Variants in CUL9 observed in about 807,000 individuals in gnomAD.
CUL9 encodes the protein cullin-9.
A neutral mutation model predicts 272.6 loss-of-function variants in CUL9; 79 were observed. That is an observed-to-expected ratio of 0.29 (90% confidence interval 0.24 to 0.35). CUL9 has a LOEUF of 0.35. Among genes scored for constraint, CUL9 ranks in the 10% least tolerant of loss-of-function variants. CUL9 has a pLI of 1.00. For synonymous variants in CUL9, 1,186 were observed against 1,286.5 expected, an observed-to-expected ratio of 0.92 and a Z score of 1.67; for missense variants, 2,532 against 3,255.6, an observed-to-expected ratio of 0.78 and a Z score of 5.41.
At chr6:43,209,426 G>T (rs1481414283) in intron 26 of CUL9, among the ~76,000 whole-genome samples, 1 of 152,120 alleles carries the variant, frequency 6.6e-6, no homozygotes, top group Non-Finnish European at 1.5e-5. Context: ...TGGGATTACA[G>T]GCGTGAGCCA....
intron 11 of CUL9, chr6:43,198,341 T>C (rs750932393): frequency 3.1e-6 from 3 of 976,046 alleles, no homozygotes; most frequent in Non-Finnish European, 3.7e-6. Flanking sequence ...TTACTATAAC[T>C]AACATTTAAT....
Position 43,198,772 on chromosome 6 carries a change from G to A in CUL9, c.2967G>A (p.Gln989=), listed in dbSNP as rs1774244231. ...GAVRPLLKRL[Q]QETQPFLLLL... is the part of the protein sequence containing the mutation. ...TGAGGCCCCTCCTCAAGCGCCTCCA[G>A]CAGGAGACCCAGCCTTTCCTCCTGT... The change falls in exon 12 of 41, where the codon CAG becomes CAA. Residue 989 remains glutamine, a synonymous_variant. Coordinates refer to ENST00000252050, the MANE Select transcript of CUL9 (RefSeq NM_015089.4). 2 of 1,613,968 alleles carry A rather than the reference G, an allele frequency of 1.2e-6. No individual in the cohort carries two copies. The highest frequency in any genetic ancestry group is 1.3e-5 in the African/African-American group (1 of 74,940).
rs536628350 is a variant in CUL9, at chr6:43,184,212, C to T, written c.-9-90C>T. On this transcript the variant is annotated intron_variant, in intron 1 of 40. Coordinates refer to ENST00000252050, the MANE Select transcript of CUL9 (RefSeq NM_015089.4). The surrounding 1 kb of genome is among the most constrained non-coding windows in gnomAD (Gnocchi z 4.8). ...CTACCATGCAGCCTACCGATCACCA[C>T]CCACCTTCTCTGTGTCTCAAGATTC... 9.7e-7 allele frequency: 1 copy of T among 1,032,590 alleles called. No homozygotes were observed. The highest frequency in any genetic ancestry group is 1.6e-5 in the African/African-American group (1 of 61,638). 64.0% of individuals were successfully genotyped at this position (1,032,590 alleles called of 1,614,324 possible).
intron 4 of CUL9, 131 bp downstream of exon 4, chr6:43,186,586 G>A: frequency 7.4e-7 from 1 of 1,343,232 alleles, no homozygotes; most frequent in South Asian, 1.5e-5. Flanking sequence ...GATACAAGGG[G>A]GTTGGCATTT....
intron 21 of CUL9, 63 bp from the exon 22 acceptor site, chr6:43,204,685 A>G: frequency 2.5e-6 from 4 of 1,595,026 alleles, no homozygotes; most frequent in Non-Finnish European, 3.4e-6. Flanking sequence ...ATCACTACCC[A>G]AGACCGGTGT....
chr6:43,222,850 G>T lies in CUL9; in HGVS notation c.7104G>T (p.Gln2368His), dbSNP rs371313602. Reference protein sequence around the residue: ...DAEYMDVVEQQTENLELHTNA... With the variant: ...DAEYMDVVEQHTENLELHTNA... ...AGTACATGGATGTGGTGGAGCAGCA[G>T]ACAGAGAACCTGGAGCTGCACACCA... Residue 2368 changes from glutamine to histidine, a missense_variant, in exon 38 of 41, where the codon CAG becomes CAT. Coordinates refer to ENST00000252050, the MANE Select transcript of CUL9 (RefSeq NM_015089.4). 6 of 1,613,910 alleles carry T rather than the reference G, an allele frequency of 3.7e-6. No homozygotes were observed. In the African/African-American group the frequency reaches 8.0e-5, roughly 22 times the overall value.
chr6:43,201,688 T>A (rs550313070), intron 16 of CUL9, among the ~76,000 whole-genome samples: 1 of 152,056 alleles, frequency 6.6e-6, no homozygotes, highest in Non-Finnish European at 1.5e-5. Context: ...ACCGTGTTAG[T>A]CAGGATGGTC....
At chr6:43,214,326 A>G (rs1025219358) in intron 29 of CUL9, among the ~76,000 whole-genome samples, 1 of 152,150 alleles carries the variant, frequency 6.6e-6, no homozygotes, top group Admixed American at 6.5e-5. Flanking sequence ...AGGCCGAGGC[A>G]TGAGAATTGC....
chr6:43,194,970 G>A (rs566499694), intron 9 of CUL9, among the ~76,000 whole-genome samples: 9 of 152,188 alleles, frequency 5.9e-5, no homozygotes, highest in Admixed American at 3.3e-4. Flanking sequence ...CGGGAGAATC[G>A]CTTGAACCCA....
In CUL9 at chr6:43,206,627, G is replaced by A. The variant is rs755706933; in HGVS notation, c.5212+117G>A. ...GTGAAGAAAAATATCAGCTCCTAGCGAGGGATGAGAAAGCATGGGTTGTAG... is the reference window on the plus strand; with the variant it reads ...GTGAAGAAAAATATCAGCTCCTAGCAAGGGATGAGAAAGCATGGGTTGTAG... On this transcript the variant is annotated intron_variant, in intron 26 of 40. Transcript: ENST00000252050. The surrounding 1 kb of genome is among the most constrained non-coding windows in gnomAD (Gnocchi z 4.8). 2.3e-5 allele frequency: 19 copies of A among 843,676 alleles called. No individual in the cohort carries two copies. Among genetic ancestry groups the A allele is most frequent in the South Asian group, 3.7e-5 (2 of 54,472 alleles). The allele number at this position is 843,676 out of a possible 1,614,324, so 52.3% of individuals were successfully genotyped here. A position where few individuals can be genotyped will look rare whatever the true frequency, so the allele number is the denominator to read the frequency against.
chr6:43,194,509 C>T (rs555163708), intron 9 of CUL9, among the ~76,000 whole-genome samples: 17 of 151,298 alleles, frequency 1.1e-4, no homozygotes, highest in Admixed American at 4.6e-4. Flanking sequence ...TTAGTAGAGA[C>T]GGGGTTTCAC....
intron 16 of CUL9, among the ~76,000 whole-genome samples, chr6:43,201,415 A>G (rs9462876): frequency 0.27 from 40,380 of 152,148 alleles, 7,791 homozygotes; most frequent in African/African-American, 0.55. Context: ...GTAAGAAAGT[A>G]TATTTGGAGG....
In CUL9 at chr6:43,193,218, T is replaced by C. The variant is rs572738002; in HGVS notation, c.2388+10T>C. The C allele has an allele frequency of 1.9e-6, 3 of 1,612,820 alleles. No homozygotes were observed. The South Asian group carries it at 3.3e-5, about 18-fold the overall frequency. ...GCAGGCTGGGCTGGCGGTGAGTACA[T>C]TGGGCCTGGCGGGAGAGAACAATGG... is the stretch of plus-strand genomic sequence containing the variant. On this transcript the variant is annotated intron_variant, in intron 9 of 40. Transcript: ENST00000252050.
chr6:43,214,973 T>C, intron 29 of CUL9, 106 bp from the exon 30 acceptor site: 2 of 1,355,284 alleles, frequency 1.5e-6, no homozygotes, highest in South Asian at 2.9e-5. Context: ...CAAGACTGTC[T>C]CTTAAAAAAA....
rs1041950696 is a variant in CUL9, at chr6:43,206,842, AT to A, written c.5212+340del. On this transcript the variant is annotated intron_variant, in intron 26 of 40. Transcript: ENST00000252050. This position sits in a 1 kb window ranked among gnomAD's most constrained non-coding sequence, Gnocchi z 4.8. Reference sequence around the variant, plus strand: ...GTGGCATCCTATAAAGTTTTAAAAGATTTTTTTTCTTTATTTTTTTGACATG... The same window carrying A: ...GTGGCATCCTATAAAGTTTTAAAAGATTTTTTTCTTTATTTTTTTGACATG... Among the ~76,000 whole-genome samples, 1 of 151,780 alleles carries A rather than the reference AT, an allele frequency of 6.6e-6. No homozygotes were observed. The highest frequency in any genetic ancestry group is 2.4e-5 in the African/African-American group (1 of 41,306).
In CUL9 at chr6:43,198,663, G is replaced by A. The variant is rs773739598; in HGVS notation, c.2858G>A (p.Arg953Gln). 6.8e-6 allele frequency: 11 copies of A among 1,613,878 alleles called. No individual in the cohort carries two copies. The highest frequency in any genetic ancestry group is 6.6e-5 in the South Asian group (6 of 91,068). Residue 953 changes from arginine to glutamine, a missense_variant, in exon 12 of 41, where the codon CGA (arginine) becomes CAA (glutamine). Arg to Gln is a conservative substitution (Grantham distance 43). This residue lies in a region of CUL9 where 2,218 missense variants were observed against 2,788.6 expected (regional missense o/e 0.80). Transcript: ENST00000252050. ...GATGGGTCCCCTGAGCTACTGATTC[G>A]ATCCCTGGTTGGGGGCCCATCTGCA... ...GQDGSPELLI[R>Q]SLVGGPSAEL...
rs748759827 is a variant in CUL9 at position 43,193,117 on chromosome 6, C to A, written c.2297C>A (p.Pro766Gln). ...YLLMTKHEWR[P>Q]LFAREGGIYA... ...CTCATGACCAAGCACGAGTGGCGGCCGCTCTTTGCCAGGGAGGGTGGCATC... is the reference window on the plus strand; with the variant it reads ...CTCATGACCAAGCACGAGTGGCGGCAGCTCTTTGCCAGGGAGGGTGGCATC... Residue 766 changes from proline to glutamine, a missense_variant, in exon 9 of 41, where the codon CCG becomes CAG. Transcript: ENST00000252050. 1 of 1,614,026 alleles carries A rather than the reference C, an allele frequency of 6.2e-7. No homozygotes were observed. Among genetic ancestry groups the A allele is most frequent in the South Asian group, 1.1e-5 (1 of 91,082 alleles).
Position 43,200,203 on chromosome 6 carries a change from G to A in CUL9, c.3384+47G>A. 5 of 1,556,334 alleles carry A rather than the reference G, an allele frequency of 3.2e-6. No individual in the cohort carries two copies. The highest frequency in any genetic ancestry group is 4.4e-6 in the Non-Finnish European group (5 of 1,134,296). On this transcript the variant is annotated intron_variant, in intron 14 of 40. Transcript: ENST00000252050. This position sits in a 1 kb window ranked among gnomAD's most constrained non-coding sequence, Gnocchi z 4.0. The stretch of plus-strand genomic sequence containing the variant: ...GCAGCTGAGAGAATGCAAGTCAGAA[G>A]CAGGAGAAGGGGATTCACTGTGTTC...
rs770459037 is a variant in CUL9 at position 43,187,791 on chromosome 6, C to A, written c.1660C>A (p.Arg554=). Residue 554 remains arginine, a synonymous_variant, in exon 7 of 41, where the codon CGA becomes AGA. Transcript: ENST00000252050. ...GAGTCTGCTGCAGGTTCTCAGTAGTCGATTTGAGGGCAGCACTCTCAATGA... is the reference window on the plus strand; with the variant it reads ...GAGTCTGCTGCAGGTTCTCAGTAGTAGATTTGAGGGCAGCACTCTCAATGA... The part of the protein sequence containing the change: ...AESLLQVLSS[R]FEGSTLNDLL... The A allele has an allele frequency of 2.5e-6, 4 of 1,613,626 alleles. No homozygotes were observed. Among genetic ancestry groups the A allele is most frequent in the Admixed American group, 3.3e-5 (2 of 59,954 alleles).
Sources: gnomAD v4.1 joint callset for allele counts (sites outside exome capture counted in the v4.1 genomes callset) on GRCh38, gnomAD v4.1.1 for gene constraint, gnomAD v4.1.1 regional missense constraint, Gnocchi (gnomAD v3.1) non-coding constraint, MANE v1.5 for transcripts, NCBI Gene and HGNC (gene_info 2026-07-23, HGNC 2026-07-21) for gene names.